The following NALF1 variants were observed in gnomAD, a reference collection of about 807,000 sequenced individuals.
NALF1 encodes the protein NALCN channel auxiliary factor 1, also known as family with sequence similarity 155 member A.
NALF1 carries 3 observed loss-of-function variants against 48.4 expected under a neutral mutation model. The observed-to-expected ratio is 0.06, with a 90% CI of 0.03 to 0.16. The LOEUF (loss-of-function observed/expected upper bound fraction) is 0.16. Ranked by LOEUF, NALF1 falls within the 10% of genes least tolerant of loss-of-function variation. The pLI, the probability that NALF1 is intolerant of heterozygous loss-of-function variation, is 1.00. For synonymous variants in NALF1, 262 were observed against 245.7 expected (o/e 1.07, Z -0.62); for missense variants, 526 against 571.5 (o/e 0.92, Z 0.81).
chr13:107,401,645 A>C (rs79652077), intron 1 of NALF1, among the ~76,000 whole-genome samples: 133 of 152,292 alleles, frequency 8.7e-4, no homozygotes, highest in African/African-American at 3.0e-3. Context: ...TAAAATAAAC[A>C]AACCATTTAT....
At chr13:107,236,675 AT>A (rs1880350907) in intron 1 of NALF1, among the ~76,000 whole-genome samples, 3 of 21,252 alleles carry the variant, frequency 1.4e-4, no homozygotes, top group Non-Finnish European at 3.1e-4. Flanking sequence ...CTGTCTGTCT[AT>A]CTATCTATCT....
chr13:107,303,152 C>CT (rs1424586836), intron 1 of NALF1, among the ~76,000 whole-genome samples: 1 of 152,022 alleles, frequency 6.6e-6, no homozygotes, highest in Non-Finnish European at 1.5e-5. Context: ...TCGTTTTAAG[C>CT]TTTTTTTCAT....
At chr13:107,459,243 T>C (rs889893655) in intron 1 of NALF1, among the ~76,000 whole-genome samples, 1 of 151,712 alleles carries the variant, frequency 6.6e-6, no homozygotes, top group Non-Finnish European at 1.5e-5. Context: ...CCAATGAAAA[T>C]AGGGGTTTTT....
chr13:107,366,376 C>T (rs544243895), intron 1 of NALF1, among the ~76,000 whole-genome samples: 1 of 152,168 alleles, frequency 6.6e-6, no homozygotes, highest in East Asian at 1.9e-4. Flanking sequence ...CATTTTGCTT[C>T]CCCTTTTTAG....
intron 1 of NALF1, among the ~76,000 whole-genome samples, chr13:107,404,073 A>C (rs1775226931): frequency 2.0e-5 from 3 of 152,148 alleles, no homozygotes; most frequent in Admixed American, 2.0e-4. Context: ...CAGATAATGA[A>C]AGTATAAACA....
intron 1 of NALF1, among the ~76,000 whole-genome samples, chr13:107,642,189 G>A (rs1880177486): frequency 6.6e-6 from 1 of 152,148 alleles, no homozygotes; most frequent in African/African-American, 2.4e-5. Flanking sequence ...CAACAACTAT[G>A]AAAGGTAGGA....
At chr13:107,446,133 T>A (rs1884646536) in intron 1 of NALF1, among the ~76,000 whole-genome samples, 1 of 152,120 alleles carries the variant, frequency 6.6e-6, no homozygotes, top group Non-Finnish European at 1.5e-5. Flanking sequence ...GAGACAAGGT[T>A]TCACCATGTT....
intron 1 of NALF1, among the ~76,000 whole-genome samples, chr13:107,574,268 C>T (rs1006204274): frequency 3.3e-5 from 5 of 152,094 alleles, no homozygotes; most frequent in Non-Finnish European, 4.4e-5. Flanking sequence ...TTTGAGTAGG[C>T]TAATGTCATA....
chr13:107,604,219 C>T (rs1879006373), intron 1 of NALF1, among the ~76,000 whole-genome samples: 1 of 152,154 alleles, frequency 6.6e-6, no homozygotes, highest in African/African-American at 2.4e-5. Flanking sequence ...AATCGTTTCC[C>T]AAATGCAAGC....
chr13:107,402,239 T>G (rs974378221), intron 1 of NALF1, among the ~76,000 whole-genome samples: 8 of 152,216 alleles, frequency 5.3e-5, no homozygotes, highest in Non-Finnish European at 8.8e-5. Context: ...GGTCCGCATA[T>G]TCAGGATCTG....
chr13:107,510,626 G>A (rs760969607), intron 1 of NALF1, among the ~76,000 whole-genome samples: 3 of 152,148 alleles, frequency 2.0e-5, no homozygotes, highest in Non-Finnish European at 2.9e-5. Flanking sequence ...TATCAAAATA[G>A]TTGAGAAAGT....
chr13:107,858,172 T>C lies in NALF1; in HGVS notation c.915+7510A>G, dbSNP rs535763660. Among the ~76,000 whole-genome samples, 6 of 152,310 alleles carry C rather than the reference T, an allele frequency of 3.9e-5. No homozygotes were observed. In the South Asian group the frequency reaches 1.2e-3, roughly 32 times the overall value. ...CCTAGTTGCCCAGGACTCTCACATT[T>C]CTGTCTTCTTTGCTTGCTATATCAT... On this transcript the variant is annotated intron_variant, in intron 1 of 2. Coordinates refer to ENST00000375915, the MANE Select transcript of NALF1 (RefSeq NM_001080396.3).
chr13:107,715,669 A>C (rs936995172), intron 1 of NALF1, among the ~76,000 whole-genome samples: 36 of 152,298 alleles, frequency 2.4e-4, no homozygotes, highest in African/African-American at 8.7e-4. Context: ...GTTGCAATGC[A>C]AGGGGAAAAG....
At chr13:107,173,086 C>T (rs1325848349) in intron 2 of NALF1, among the ~76,000 whole-genome samples, 4 of 152,134 alleles carry the variant, frequency 2.6e-5, no homozygotes, top group African/African-American at 4.8e-5. Context: ...AAATCCTCCA[C>T]CTCCCACATC....
At chr13:107,298,222 C>T (rs758871347) in intron 1 of NALF1, among the ~76,000 whole-genome samples, 26 of 151,226 alleles carry the variant, frequency 1.7e-4, no homozygotes, top group African/African-American at 5.6e-4. Context: ...TGTTGGCGGG[C>T]GCCTGTAGTC....
intron 1 of NALF1, among the ~76,000 whole-genome samples, chr13:107,772,254 CT>C (rs1877602073): frequency 6.6e-6 from 1 of 152,018 alleles, no homozygotes; most frequent in South Asian, 2.1e-4. Context: ...CTTGTTTTTA[CT>C]TTGCACTGCG....
rs574259342 is a variant in NALF1, at chr13:107,855,470, C to A, written c.915+10212G>T. Among the ~76,000 whole-genome samples the A allele has an allele frequency of 2.1e-4, 32 of 152,314 alleles. No individual in the cohort carries two copies. In the South Asian group the frequency reaches 2.3e-3, roughly 11 times the overall value. On this transcript the variant is annotated intron_variant, in intron 1 of 2. Transcript: ENST00000375915. The stretch of plus-strand genomic sequence containing the variant: ...CCCAGAAGCCAAAAGATTGGACACC[C>A]CTGCTTTACACCAAGCTGCCACAAC...
chr13:107,667,765 C>A (rs1462184101), intron 1 of NALF1, among the ~76,000 whole-genome samples: 1 of 152,014 alleles, frequency 6.6e-6, no homozygotes, highest in Non-Finnish European at 1.5e-5. Context: ...GAAATTAAAT[C>A]CCTACAAAAC....
intron 1 of NALF1, among the ~76,000 whole-genome samples, chr13:107,324,657 A>G (rs986329109): frequency 6.6e-6 from 1 of 152,172 alleles, no homozygotes; most frequent in Non-Finnish European, 1.5e-5. Flanking sequence ...AATGTTGCGT[A>G]TCAGTTGTGT....
Sources: allele counts gnomAD v4.1 joint callset (sites outside exome capture counted in the v4.1 genomes callset), GRCh38; gene constraint gnomAD v4.1.1; transcripts MANE v1.5; gene names NCBI Gene and HGNC (gene_info 2026-07-23, HGNC 2026-07-21).